TBC1D31: variants seen among roughly 807,000 people sequenced by gnomAD.
TBC1D31 encodes the protein WD repeat domain 67.
In TBC1D31, 99 loss-of-function variants were observed where a neutral mutation model predicts 132.9. That is an observed-to-expected ratio of 0.74 (90% CI 0.63 to 0.88). TBC1D31 has a LOEUF of 0.88. TBC1D31 is among the 40% of genes least tolerant of loss of function. TBC1D31 has a pLI of 0.00. For missense variants in TBC1D31, 1,134 were observed against 1,256.6 expected, an observed-to-expected ratio of 0.90 and a Z score of 1.48; for synonymous variants, 385 against 419.4, an observed-to-expected ratio of 0.92 and a Z score of 1.00.
At chr8:123,156,873 G>A (rs1245188315), downstream of TBC1D31, among the ~76,000 whole-genome samples, 1 of 152,112 alleles carries the variant, frequency 6.6e-6, no homozygotes, top group East Asian at 1.9e-4. Flanking sequence ...CCTTGAACTC[G>A]GCCGCGCTCG....
the TBC1D31 span, among the ~76,000 whole-genome samples, chr8:123,161,248 G>T: frequency 1.3e-5 from 2 of 152,216 alleles, no homozygotes; most frequent in African/African-American, 4.8e-5. Flanking sequence ...CTGTAGAGAC[G>T]GGGATGTCTT....
intron 1 of TBC1D31, 133 bp downstream of exon 1, chr8:123,072,979 G>T (rs763399340): frequency 2.0e-5 from 17 of 865,030 alleles, no homozygotes; most frequent in Non-Finnish European, 3.1e-5. Flanking sequence ...ATGACCTGCG[G>T]TGGAACAGAT....
chr8:123,101,056 ATTAT>A (rs777080517), intron 7 of TBC1D31, 49 bp downstream of exon 7: 59 of 1,277,276 alleles, frequency 4.6e-5, no homozygotes, highest in Non-Finnish European at 6.6e-5. Flanking sequence ...ACACTTATAT[ATTAT>A]ATCATCAAGA....
At chr8:123,121,512 C>T (rs879398700) in intron 11 of TBC1D31, among the ~76,000 whole-genome samples, 1 of 152,100 alleles carries the variant, frequency 6.6e-6, no homozygotes, top group Non-Finnish European at 1.5e-5. Flanking sequence ...TGGCTTAGTG[C>T]CATTCCCTTG....
intron 20 of TBC1D31, among the ~76,000 whole-genome samples, chr8:123,148,219 T>G (rs1416053124): frequency 1.3e-5 from 2 of 152,130 alleles, no homozygotes; most frequent in Non-Finnish European, 2.9e-5. Flanking sequence ...GATCTAATAA[T>G]AGTAATAATT....
At chr8:123,093,169 G>A (rs566461300) in intron 4 of TBC1D31, among the ~76,000 whole-genome samples, 1 of 151,862 alleles carries the variant, frequency 6.6e-6, no homozygotes, top group African/African-American at 2.4e-5. Flanking sequence ...GGCTGGTCTC[G>A]AACTTATGTC....
Position 123,077,243 on chromosome 8 carries a change from C to T in TBC1D31, c.210C>T (p.Asp70=), listed in dbSNP as rs61753517. The change falls in exon 2 of 22, where the codon GAC becomes GAT. Residue 70 remains aspartate (D), a synonymous_variant. Coordinates refer to ENST00000287380, the MANE Select transcript of TBC1D31 (RefSeq NM_145647.4). ...GDHQGNIYVF[D]LHGNRFNLVQ... ...ACCAAGGAAATATTTATGTTTTTGACTTACATGGAAACAGGTAAGCAGATA... is the reference window on the plus strand; with the variant it reads ...ACCAAGGAAATATTTATGTTTTTGATTTACATGGAAACAGGTAAGCAGATA... 3.7e-6 allele frequency: 6 copies of T among 1,611,048 alleles called. No homozygotes were observed. The highest frequency in any genetic ancestry group is 1.3e-5 in the African/African-American group (1 of 74,716).
chr8:123,103,166 A>G (rs1191047314), intron 7 of TBC1D31: 1 of 152,212 alleles, frequency 6.6e-6, no homozygotes, highest in Non-Finnish European at 1.5e-5. Flanking sequence ...AACCACTGCA[A>G]ATAGTGAGAA....
chr8:123,140,474 T>A (rs1383518476), intron 17 of TBC1D31, among the ~76,000 whole-genome samples: 3 of 152,346 alleles, frequency 2.0e-5, no homozygotes, highest in Non-Finnish European at 2.9e-5. Context: ...TTTTTATAAG[T>A]AAATGCTCCC....
intron 4 of TBC1D31, among the ~76,000 whole-genome samples, chr8:123,089,942 A>G (rs1241242915): frequency 6.6e-6 from 1 of 152,248 alleles, no homozygotes; most frequent in Non-Finnish European, 1.5e-5. Context: ...TATACATCAT[A>G]CTACCTATCT....
downstream of TBC1D31, among the ~76,000 whole-genome samples, chr8:123,156,096 G>T (rs1439645503): frequency 6.6e-6 from 1 of 152,168 alleles, no homozygotes; most frequent in East Asian, 1.9e-4. Context: ...AAAGCCCCTG[G>T]AATTTCCTCC....
intron 19 of TBC1D31, 77 bp downstream of exon 19, chr8:123,142,533 T>A: frequency 8.2e-7 from 1 of 1,218,516 alleles, no homozygotes; most frequent in Non-Finnish European, 1.1e-6. Context: ...AGTCTCACTT[T>A]GTTGTACAGC....
chr8:123,094,385 C>T (rs1238738920), intron 5 of TBC1D31, among the ~76,000 whole-genome samples: 1 of 151,898 alleles, frequency 6.6e-6, no homozygotes, highest in Non-Finnish European at 1.5e-5. Flanking sequence ...TCAATAACTT[C>T]ACCTACTTCT....
intron 6 of TBC1D31, among the ~76,000 whole-genome samples, chr8:123,099,379 C>T (rs1817145879): frequency 6.6e-6 from 1 of 152,156 alleles, no homozygotes; most frequent in Admixed American, 6.5e-5. Context: ...GTCGGCCTCC[C>T]AAAGTGCTGG....
intron 10 of TBC1D31, among the ~76,000 whole-genome samples, chr8:123,110,608 C>G (rs981345991): frequency 1.7e-4 from 26 of 152,258 alleles, no homozygotes; most frequent in African/African-American, 5.8e-4. Context: ...CAACTCATAG[C>G]CAATCACGTT....
intron 4 of TBC1D31, among the ~76,000 whole-genome samples, chr8:123,089,677 C>T (rs1293166281): frequency 1.3e-5 from 2 of 152,252 alleles, no homozygotes; most frequent in African/African-American, 4.8e-5. Flanking sequence ...CACTGTGCTG[C>T]AGCCTGGGCG....
At chr8:123,128,138 T>C (rs1820256618) in intron 13 of TBC1D31, 143 bp from the exon 14 acceptor site, 1 of 467,780 alleles carries the variant, frequency 2.1e-6, no homozygotes, top group South Asian at 4.6e-5. Context: ...TTGTAAAACT[T>C]GAGTAAAGAA....
rs148678046 is a variant in TBC1D31, at chr8:123,077,249, T to A, written c.216T>A (p.His72Gln). The change falls in exon 2 of 22, where the codon CAT becomes CAA. Residue 72 changes from histidine (H) to glutamine (Q), a missense_variant. Transcript: ENST00000287380. ...HQGNIYVFDL[H>Q]GNRFNLVQRT... is the part of the protein sequence containing the mutation. ...GAAATATTTATGTTTTTGACTTACA[T>A]GGAAACAGGTAAGCAGATACCATTG... 4 of 1,611,318 alleles carry A rather than the reference T, an allele frequency of 2.5e-6. No individual in the cohort carries two copies. Among genetic ancestry groups the A allele is most frequent in the Non-Finnish European group, 3.4e-6 (4 of 1,179,222 alleles).
In TBC1D31 at chr8:123,126,685, G is replaced by T; in HGVS notation, c.1882G>T (p.Glu628Ter). 1 of 1,607,722 alleles carries T rather than the reference G, an allele frequency of 6.2e-7. No homozygotes were observed. Among genetic ancestry groups the T allele is most frequent in the South Asian group, 1.1e-5 (1 of 89,244 alleles). The change falls in exon 13 of 22, where the codon GAG becomes TAG. Residue 628 changes from glutamate to a stop codon, truncating the protein, a stop_gained and splice_region_variant. Coordinates refer to ENST00000287380, the MANE Select transcript of TBC1D31 (RefSeq NM_145647.4). LOFTEE classifies it high-confidence loss of function. The part of the protein sequence containing the change: ...LLSCNLKDDF[E>*]FFFHHRNNLD... ...CAGCTGTAATCTTAAAGATGACTTT[G>T]AGGTAACGGTCCTTGTTCTTAAGAG...
Sources: gnomAD v4.1 joint callset for allele counts (sites outside exome capture counted in the v4.1 genomes callset) on GRCh38, gnomAD v4.1.1 for gene constraint, MANE v1.5 for transcripts, NCBI Gene and HGNC (gene_info 2026-07-23, HGNC 2026-07-21) for gene names.